SLC35F1: variants seen among roughly 807,000 people sequenced by gnomAD.
SLC35F1 encodes the protein chromosome 6 open reading frame 169.
In SLC35F1, 14 loss-of-function variants were observed where a neutral mutation model predicts 48.7. The ratio of observed to expected loss-of-function variants is 0.29; its 90% CI spans 0.19 to 0.45. The LOEUF (loss-of-function observed/expected upper bound fraction) is 0.45, where lower values mean the gene tolerates loss of function less well. SLC35F1 is among the 20% of genes least tolerant of loss of function. SLC35F1 has a pLI of 1.00. For missense variants in SLC35F1, 404 were observed against 500.0 expected, an observed-to-expected ratio of 0.81 and a Z score of 1.83; for synonymous variants, 190 against 202.2, an observed-to-expected ratio of 0.94 and a Z score of 0.51.
At chr6:118,278,151 T>G (rs573058346) in intron 6 of SLC35F1, among the ~76,000 whole-genome samples, 51 of 152,254 alleles carry the variant, frequency 3.3e-4, no homozygotes, top group Non-Finnish European at 6.8e-4. Context: ...TCAAAGAAAT[T>G]TAGGACAAGG....
chr6:118,016,901 C>A (rs1028769404), intron 1 of SLC35F1, among the ~76,000 whole-genome samples: 1 of 152,210 alleles, frequency 6.6e-6, no homozygotes, highest in African/African-American at 2.4e-5. Flanking sequence ...ATTTCTACCA[C>A]CCTCGACATC....
chr6:118,055,339 T>C (rs892570050), intron 1 of SLC35F1, among the ~76,000 whole-genome samples: 2 of 152,328 alleles, frequency 1.3e-5, no homozygotes, highest in South Asian at 4.1e-4. Context: ...AATACAGATA[T>C]TGTTTTTGAT....
At chr6:118,003,747 A>AT (rs200097708) in intron 1 of SLC35F1, among the ~76,000 whole-genome samples, 18 of 151,900 alleles carry the variant, frequency 1.2e-4, no homozygotes, top group South Asian at 6.3e-4. Flanking sequence ...ATGATTTTAC[A>AT]TTTTTTTTTA....
intron 2 of SLC35F1, among the ~76,000 whole-genome samples, chr6:118,179,068 T>C (rs1774534574): frequency 1.3e-5 from 2 of 152,114 alleles, no homozygotes; most frequent in Admixed American, 6.6e-5. Context: ...CACTGAGAAC[T>C]GAGCAGAAGC....
chr6:118,101,063 T>A (rs1773250227), intron 1 of SLC35F1, among the ~76,000 whole-genome samples: 1 of 151,698 alleles, frequency 6.6e-6, no homozygotes, highest in South Asian at 2.1e-4. Flanking sequence ...AGTTGCCTGT[T>A]CAGATAGGAA....
At chr6:118,275,372 A>C (rs1775907332) in intron 4 of SLC35F1, 87 bp from the exon 5 acceptor site, 8 of 1,396,990 alleles carry the variant, frequency 5.7e-6, no homozygotes, top group Non-Finnish European at 7.8e-6. Context: ...TAGAATAGGC[A>C]AGGGAAGCTC....
At chr6:118,083,343 T>C (rs929214940) in intron 1 of SLC35F1, among the ~76,000 whole-genome samples, 1 of 152,200 alleles carries the variant, frequency 6.6e-6, no homozygotes, top group Non-Finnish European at 1.5e-5. Flanking sequence ...ACCTAAGTGG[T>C]AAAGTAATAA....
intron 1 of SLC35F1, among the ~76,000 whole-genome samples, chr6:118,082,653 C>CA (rs1772928985): frequency 6.6e-6 from 1 of 151,788 alleles, no homozygotes; most frequent in African/African-American, 2.4e-5. Flanking sequence ...TCCAGAAACC[C>CA]AAGAAAAATG....
intron 3 of SLC35F1, among the ~76,000 whole-genome samples, chr6:118,245,022 G>C (rs1330189698): frequency 6.6e-6 from 1 of 152,166 alleles, no homozygotes; most frequent in Non-Finnish European, 1.5e-5. Flanking sequence ...CACCTTTTCA[G>C]TATTCTGCTA....
At chr6:118,241,194 G>A (rs1323233121) in intron 3 of SLC35F1, among the ~76,000 whole-genome samples, 1 of 152,182 alleles carries the variant, frequency 6.6e-6, no homozygotes, top group Non-Finnish European at 1.5e-5. Flanking sequence ...GATAGGATGT[G>A]ACCCAAGCAC....
chr6:118,311,991 C>T (rs1459187733), intron 7 of SLC35F1, among the ~76,000 whole-genome samples: 3 of 152,130 alleles, frequency 2.0e-5, no homozygotes, highest in Non-Finnish European at 4.4e-5. Flanking sequence ...ATATTTTAAC[C>T]ACCCTATAGT....
Position 117,923,713 on chromosome 6 carries a change from A to ATATG in SLC35F1, c.173+15817_173+15818insGTAT, listed in dbSNP as rs1775962028. 5.9e-5 allele frequency among the ~76,000 whole-genome samples: 2 copies of ATATG among 33,742 alleles called. 1 individual carries two copies. The highest frequency in any genetic ancestry group is 1.4e-4 in the Non-Finnish European group (2 of 14,072). 22.1% of individuals were successfully genotyped at this position (33,742 alleles called of 152,430 possible). A position where few individuals can be genotyped will look rare whatever the true frequency, so the allele number is the denominator to read the frequency against. On this transcript the variant is annotated intron_variant, in intron 1 of 7. Transcript: ENST00000360388. The stretch of plus-strand genomic sequence containing the variant: ...TATGTACATATACATATATGTACAT[A>ATATG]TATACATATATACATATGTATATAT...
intron 2 of SLC35F1, among the ~76,000 whole-genome samples, chr6:118,161,532 A>T (rs570573744): frequency 6.6e-6 from 1 of 152,308 alleles, no homozygotes; most frequent in South Asian, 2.1e-4. Context: ...ACTGTCACTT[A>T]CCTAAGTCTG....
intron 1 of SLC35F1, among the ~76,000 whole-genome samples, chr6:118,132,527 C>T (rs563917540): frequency 6.6e-6 from 1 of 152,262 alleles, no homozygotes; most frequent in South Asian, 2.1e-4. Context: ...TATTTACTTT[C>T]TGAGGTGGTT....
At chr6:118,040,859 C>A (rs1476330070) in intron 1 of SLC35F1, among the ~76,000 whole-genome samples, 1 of 151,662 alleles carries the variant, frequency 6.6e-6, no homozygotes, top group East Asian at 1.9e-4. Flanking sequence ...CTCCCTAACC[C>A]CCAAACCTAA....
chr6:117,924,694 G>A (rs906067554), intron 1 of SLC35F1, among the ~76,000 whole-genome samples: 1 of 152,024 alleles, frequency 6.6e-6, no homozygotes, highest in African/African-American at 2.4e-5. Context: ...CCTCTCTCGA[G>A]TATATGTTGC....
intron 1 of SLC35F1, among the ~76,000 whole-genome samples, chr6:117,941,829 G>A (rs1776237429): frequency 1.3e-5 from 2 of 152,150 alleles, no homozygotes; most frequent in South Asian, 2.1e-4. Context: ...CCCAATCCCC[G>A]ATGTGGGATT....
chr6:118,052,056 C>T lies in SLC35F1; in HGVS notation c.174-102389C>T, dbSNP rs116553422. On this transcript the variant is annotated intron_variant, in intron 1 of 7. Coordinates refer to ENST00000360388, the MANE Select transcript of SLC35F1 (RefSeq NM_001029858.4). The stretch of plus-strand genomic sequence containing the variant: ...TGTCTCCAACCAATGTGCTGTACTT[C>T]ATGACTCCAGGTGGTAAATGCTGGC... Among the ~76,000 whole-genome samples, 1,019 of 152,158 alleles carry T rather than the reference C, an allele frequency of 6.7e-3. 15 individuals are homozygous for T. The highest frequency in any genetic ancestry group is 0.023 in the African/African-American group (939 of 41,508).
intron 1 of SLC35F1, among the ~76,000 whole-genome samples, chr6:118,035,516 A>G (rs1345986345): frequency 6.7e-6 from 1 of 149,902 alleles, no homozygotes. Flanking sequence ...CGGGAGGCTG[A>G]GGCAGAAGAA....
Sources: allele counts gnomAD v4.1 joint callset (sites outside exome capture counted in the v4.1 genomes callset), GRCh38; gene constraint gnomAD v4.1.1; transcripts MANE v1.5; gene names NCBI Gene and HGNC (gene_info 2026-07-23, HGNC 2026-07-21).